The following NFIX variants were observed in gnomAD, a reference collection of about 807,000 sequenced individuals.
NFIX encodes the protein nuclear factor I X.
In NFIX, 2 loss-of-function variants were observed where a neutral mutation model predicts 53.3. That is an observed-to-expected ratio of 0.04 (90% CI 0.02 to 0.12). NFIX has a LOEUF of 0.12. Ranked by LOEUF, NFIX falls within the 10% of genes least tolerant of loss-of-function variation. The pLI is 1.00. For synonymous variants in NFIX, 244 were observed against 289.0 expected (o/e 0.84, Z 1.58); for missense variants, 310 against 674.5 (o/e 0.46, Z 5.99).
chr19:13,010,663 A>G (rs1002926519), intron 1 of NFIX, among the ~76,000 whole-genome samples: 3 of 152,126 alleles, frequency 2.0e-5, no homozygotes, highest in East Asian at 1.9e-4. Context: ...CTGCGCCCCA[A>G]CGGGGAGCTC....
At chr19:13,074,515 T>C (rs892864083) in intron 5 of NFIX, among the ~76,000 whole-genome samples, 11 of 151,666 alleles carry the variant, frequency 7.3e-5, no homozygotes, top group Non-Finnish European at 1.6e-4. Context: ...GCTGAGGGTG[T>C]GTGTTCCAGA....
intron 8 of NFIX, among the ~76,000 whole-genome samples, chr19:13,083,319 A>G (rs1290460259): frequency 6.6e-6 from 1 of 152,108 alleles, no homozygotes; most frequent in African/African-American, 2.4e-5. Context: ...CTGGAACATT[A>G]CCTTACCTGC....
In NFIX at chr19:13,073,353, A is replaced by G; in HGVS notation, c.623-69A>G. 1 of 1,329,088 alleles carries G rather than the reference A, an allele frequency of 7.5e-7. No individual in the cohort carries two copies. The highest frequency in any genetic ancestry group is 1.1e-6 in the Non-Finnish European group (1 of 920,164). 82.3% of individuals were successfully genotyped at this position (1,329,088 alleles called of 1,614,324 possible). A position where few individuals can be genotyped will look rare whatever the true frequency, so the allele number is the denominator to read the frequency against. On this transcript the variant is annotated intron_variant, in intron 3 of 10. Transcript: ENST00000592199. This position sits in a 1 kb window ranked among gnomAD's most constrained non-coding sequence, Gnocchi z 4.5. ...GGAGGGAGAAGCAACAGTGTGGAAG[A>G]CCTTTGGAAATAGCCAGGCAGCCCC...
At position 13,078,394 on chromosome 19, in the gene NFIX, G is replaced by A. The variant is rs2017242409; in HGVS notation, c.956-219G>A. ...ACCCAGGGGCCTCGTTTTCCTCTCT[G>A]GTTAGAAGCACCCCTTGGCTGGCCT... On this transcript the variant is annotated intron_variant, in intron 6 of 10. Coordinates refer to ENST00000592199, the MANE Select transcript of NFIX (RefSeq NM_001365902.3). The surrounding 1 kb of genome is among the most constrained non-coding windows in gnomAD (Gnocchi z 4.7). 6.6e-6 allele frequency among the ~76,000 whole-genome samples: 1 copy of A among 152,166 alleles called. No homozygotes were observed. Among genetic ancestry groups the A allele is most frequent in the South Asian group, 2.1e-4 (1 of 4,832 alleles).
chr19:13,090,052 G>A lies in NFIX; in HGVS notation c.1403-247G>A, dbSNP rs1290072206. The stretch of plus-strand genomic sequence containing the variant: ...GAGACTGTGGCTTCTGAGTGGGTGT[G>A]TGTCGGGGGTGTAGTGTGTGTTCCT... On this transcript the variant is annotated intron_variant, in intron 9 of 10. Coordinates refer to ENST00000592199, the MANE Select transcript of NFIX (RefSeq NM_001365902.3). This position sits in a 1 kb window ranked among gnomAD's most constrained non-coding sequence, Gnocchi z 6.6. Among the ~76,000 whole-genome samples the A allele has an allele frequency of 6.6e-6, 1 of 152,202 alleles. No homozygotes were observed. The highest frequency in any genetic ancestry group is 1.5e-5 in the Non-Finnish European group (1 of 68,020).
chr19:13,080,216 C>CA (rs58848016), intron 7 of NFIX, among the ~76,000 whole-genome samples: 6 of 150,914 alleles, frequency 4.0e-5, no homozygotes, highest in East Asian at 1.9e-4. Context: ...CAAACTATTG[C>CA]AAAAAAAAGG....
rs188505569 is a variant in NFIX at position 13,068,736 on chromosome 19, G to C, written c.560-4311G>C. Among the ~76,000 whole-genome samples the C allele has an allele frequency of 6.6e-6, 1 of 152,242 alleles. No homozygotes were observed. Among genetic ancestry groups the C allele is most frequent in the Admixed American group, 6.5e-5 (1 of 15,290 alleles). Reference sequence around the variant, plus strand: ...GTCCAGTCTTATTGCCTGCTCCTTCGTAGCCCTCCCTTCCAGAAGCCTGCA... The same window carrying C: ...GTCCAGTCTTATTGCCTGCTCCTTCCTAGCCCTCCCTTCCAGAAGCCTGCA... On this transcript the variant is annotated intron_variant, in intron 2 of 10. Coordinates refer to ENST00000592199, the MANE Select transcript of NFIX (RefSeq NM_001365902.3). This position sits in a 1 kb window ranked among gnomAD's most constrained non-coding sequence, Gnocchi z 4.2.
intron 5 of NFIX, among the ~76,000 whole-genome samples, chr19:13,074,596 G>C (rs1004199838): frequency 6.6e-6 from 1 of 151,898 alleles, no homozygotes; most frequent in African/African-American, 2.4e-5. Flanking sequence ...AAAGGCTAGA[G>C]TGGGGGAGGG....
chr19:13,054,990 G>T (rs1013013706), intron 2 of NFIX, among the ~76,000 whole-genome samples: 1 of 152,030 alleles, frequency 6.6e-6, no homozygotes, highest in Non-Finnish European at 1.5e-5. Context: ...ACAAGCTGGC[G>T]GCTCTAGAGA....
intron 2 of NFIX, among the ~76,000 whole-genome samples, chr19:13,053,007 G>A (rs1010853468): frequency 2.0e-5 from 3 of 152,178 alleles, no homozygotes; most frequent in African/African-American, 7.2e-5. Context: ...GCCTTAAGAC[G>A]TCCCTTCCTT....
chr19:13,080,917 G>A (rs922999044), intron 7 of NFIX, among the ~76,000 whole-genome samples: 2 of 151,890 alleles, frequency 1.3e-5, no homozygotes, highest in African/African-American at 4.8e-5. Flanking sequence ...GGAGAATGGC[G>A]TGAACCCGGG....
intron 2 of NFIX, among the ~76,000 whole-genome samples, chr19:13,064,484 T>C (rs980659974): frequency 4.6e-5 from 7 of 152,232 alleles, no homozygotes; most frequent in African/African-American, 1.7e-4. Context: ...TCTAGTATGG[T>C]GACTGTCTTG....
intron 2 of NFIX, among the ~76,000 whole-genome samples, chr19:13,039,855 C>T (rs1237512404): frequency 1.3e-5 from 2 of 152,068 alleles, no homozygotes; most frequent in African/African-American, 4.8e-5. Context: ...ATTGAATTAC[C>T]TTCAGATGGG....
At chr19:13,080,993 CAGT>C (rs764271705) in intron 7 of NFIX, among the ~76,000 whole-genome samples, 1 of 144,696 alleles carries the variant, frequency 6.9e-6, no homozygotes, top group Non-Finnish European at 1.5e-5. Flanking sequence ...GAGCGAGACT[CAGT>C]CTCAAAAAAA....
At chr19:13,018,230 A>T (rs1027069239) in intron 1 of NFIX, among the ~76,000 whole-genome samples, 3 of 149,662 alleles carry the variant, frequency 2.0e-5, no homozygotes, top group Non-Finnish European at 4.4e-5. Context: ...GGTAAGGGAG[A>T]TGTGCCTGGA....
intron 7 of NFIX, among the ~76,000 whole-genome samples, chr19:13,080,969 C>T (rs1193149514): frequency 6.6e-6 from 1 of 151,058 alleles, no homozygotes; most frequent in East Asian, 2.0e-4. Context: ...CACTGCACTC[C>T]AGCCTGGGTG....
At position 13,052,970 on chromosome 19, in the gene NFIX, G is replaced by A. The variant is rs2015419777; in HGVS notation, c.560-20077G>A. On this transcript the variant is annotated intron_variant, in intron 2 of 10. Transcript: ENST00000592199. This position sits in a 1 kb window ranked among gnomAD's most constrained non-coding sequence, Gnocchi z 5.2. ...GCCTTCTCCTCCATCCCCACTTGAA[G>A]CTGCTGGTACTGCCTCTGGCCATCC... is the stretch of plus-strand genomic sequence containing the variant. 6.6e-6 allele frequency among the ~76,000 whole-genome samples: 1 copy of A among 152,212 alleles called. No homozygotes were observed. Among genetic ancestry groups the A allele is most frequent in the Admixed American group, 6.5e-5 (1 of 15,282 alleles).
intron 1 of NFIX, among the ~76,000 whole-genome samples, chr19:12,997,127 C>T (rs974815764): frequency 2.6e-5 from 4 of 152,244 alleles, no homozygotes; most frequent in Non-Finnish European, 4.4e-5. Context: ...CAAGTGTGTC[C>T]ACAGCTTACA....
chr19:13,003,958 A>G (rs1361572306), intron 1 of NFIX, among the ~76,000 whole-genome samples: 2 of 152,042 alleles, frequency 1.3e-5, no homozygotes, highest in African/African-American at 4.8e-5. Flanking sequence ...AATTTTTAGT[A>G]AAGATGAAGT....
Sources: allele counts gnomAD v4.1 joint callset (sites outside exome capture counted in the v4.1 genomes callset), GRCh38; gene constraint gnomAD v4.1.1; non-coding constraint Gnocchi (gnomAD v3.1); transcripts MANE v1.5; gene names NCBI Gene and HGNC (gene_info 2026-07-23, HGNC 2026-07-21).